Variants in COX10 observed in about 807,000 individuals in gnomAD.
The protein encoded by COX10 is cytochrome c oxidase assembly factor heme A:farnesyltransferase COX10.
A neutral mutation model predicts 37.3 loss-of-function variants in COX10; 27 were observed. The observed-to-expected ratio is 0.72, with a 90% CI of 0.53 to 1.00. The LOEUF (loss-of-function observed/expected upper bound fraction) is 1.00, where lower values mean the gene tolerates loss of function less well. Among genes scored for constraint, COX10 ranks in the 50% least tolerant of loss-of-function variants. The probability of loss-of-function intolerance (pLI) is 0.00; values close to 1 mark genes in which losing one functional copy is unlikely to be tolerated. For missense variants in COX10, 475 were observed against 563.2 expected, an observed-to-expected ratio of 0.84 and a Z score of 1.59; for synonymous variants, 222 against 229.1, an observed-to-expected ratio of 0.97 and a Z score of 0.28.
At chr17:14,189,845 A>T (rs1388854933) in intron 5 of COX10, among the ~76,000 whole-genome samples, 4 of 152,086 alleles carry the variant, frequency 2.6e-5, no homozygotes, top group African/African-American at 7.2e-5. Flanking sequence ...TGTGTGGTCC[A>T]CTCCATCAGG....
At position 14,069,556 on chromosome 17, in the gene COX10, G is replaced by C. The variant is rs1209822686; in HGVS notation, c.-50G>C. The C allele has an allele frequency of 6.2e-7, 1 of 1,608,206 alleles. No homozygotes were observed. The highest frequency in any genetic ancestry group is 1.7e-5 in the Admixed American group (1 of 59,840). On this transcript the variant is annotated 5_prime_UTR_variant, in exon 1 of 7. An upstream open reading frame in the 5' UTR loses its in-frame stop. Transcript: ENST00000261643. Reference sequence around the variant, plus strand: ...AAGATGGCGGCGCCCAGCGTCCCGTGAGGAGAGAGGACACAGGGATCCCGG... The same window carrying C: ...AAGATGGCGGCGCCCAGCGTCCCGTCAGGAGAGAGGACACAGGGATCCCGG...
At chr17:14,102,809 A>T (rs1352339315) in intron 4 of COX10, among the ~76,000 whole-genome samples, 1 of 151,942 alleles carries the variant, frequency 6.6e-6, no homozygotes, top group African/African-American at 2.4e-5. Context: ...TTTTTTTCCC[A>T]TCTAGTCACT....
At position 14,159,904 on chromosome 17, in the gene COX10, A is replaced by G; in HGVS notation, c.652A>G (p.Met218Val). The G allele has an allele frequency of 6.2e-7, 1 of 1,612,646 alleles. No homozygotes were observed. Among genetic ancestry groups the G allele is most frequent in the Non-Finnish European group, 8.5e-7 (1 of 1,179,702 alleles). ...TTTTGAGGTGCCATTTGACTCAAAC[A>G]TGAATAGGACAAAGAACAGACCGCT... ...QFFEVPFDSN[M>V]NRTKNRPLVR... The change falls in exon 5 of 7, where the codon ATG becomes GTG. Residue 218 changes from methionine (M) to valine (V), a missense_variant. Coordinates refer to ENST00000261643, the MANE Select transcript of COX10 (RefSeq NM_001303.4).
chr17:14,178,768 C>A (rs1434304267), intron 5 of COX10, among the ~76,000 whole-genome samples: 1 of 152,130 alleles, frequency 6.6e-6, no homozygotes, highest in Non-Finnish European at 1.5e-5. Flanking sequence ...TCAGCCTTAG[C>A]CCCTAGGTCC....
chr17:14,141,782 G>C (rs956486968), intron 4 of COX10, among the ~76,000 whole-genome samples: 2 of 151,978 alleles, frequency 1.3e-5, no homozygotes, highest in African/African-American at 4.8e-5. Flanking sequence ...GAATTCTGTT[G>C]TTGTGGTAAT....
At chr17:14,123,384 A>G (rs1174447181) in intron 4 of COX10, among the ~76,000 whole-genome samples, 2 of 152,208 alleles carry the variant, frequency 1.3e-5, no homozygotes, top group Admixed American at 6.6e-5. Context: ...AGCAGCATTA[A>G]TAACTCAGTA....
intron 4 of COX10, among the ~76,000 whole-genome samples, chr17:14,155,870 A>G (rs548083093): frequency 6.6e-6 from 1 of 152,122 alleles, no homozygotes; most frequent in Non-Finnish European, 1.5e-5. Context: ...GGCCCTCATC[A>G]TCTCTTACCT....
At chr17:14,119,179 A>G (rs2142211593) in intron 4 of COX10, among the ~76,000 whole-genome samples, 1 of 152,272 alleles carries the variant, frequency 6.6e-6, no homozygotes, top group East Asian at 1.9e-4. Flanking sequence ...TGTAGTATCT[A>G]CAGACTTGAT....
chr17:14,075,013 C>A (rs987567955), intron 2 of COX10, among the ~76,000 whole-genome samples: 3 of 152,070 alleles, frequency 2.0e-5, no homozygotes, highest in Non-Finnish European at 4.4e-5. Context: ...TATTAATTGC[C>A]AGGAAGGCCA....
intron 5 of COX10, among the ~76,000 whole-genome samples, chr17:14,172,583 T>C (rs1052993828): frequency 6.9e-6 from 1 of 144,160 alleles, no homozygotes; most frequent in Admixed American, 6.9e-5. Context: ...TTTTTCTTTT[T>C]TTTTTTTTTT....
chr17:14,194,600 T>A (rs1039907274), intron 6 of COX10, among the ~76,000 whole-genome samples: 45 of 152,146 alleles, frequency 3.0e-4, no homozygotes, highest in African/African-American at 9.9e-4. Flanking sequence ...CTAATTTTTA[T>A]ATTTTTAATA....
At chr17:14,127,407 T>A (rs1567597253) in intron 4 of COX10, among the ~76,000 whole-genome samples, 2 of 152,302 alleles carry the variant, frequency 1.3e-5, no homozygotes, top group South Asian at 2.1e-4. Context: ...CTCAGTTTTT[T>A]CATATATTTA....
chr17:14,181,300 A>G (rs1205763781), intron 5 of COX10, among the ~76,000 whole-genome samples: 1 of 152,032 alleles, frequency 6.6e-6, no homozygotes, highest in Non-Finnish European at 1.5e-5. Context: ...CAATAGACCA[A>G]ATCCTGAAGA....
At chr17:14,107,531 T>C (rs533602381) in intron 4 of COX10, among the ~76,000 whole-genome samples, 1 of 151,950 alleles carries the variant, frequency 6.6e-6, no homozygotes, top group African/African-American at 2.4e-5. Context: ...TTTTTTTTTT[T>C]CTTTCTTTCT....
intron 5 of COX10, among the ~76,000 whole-genome samples, chr17:14,164,398 T>C (rs1453620402): frequency 1.3e-5 from 2 of 152,272 alleles, no homozygotes; most frequent in East Asian, 3.8e-4. Context: ...TGCACAAATG[T>C]ATATCTTATT....
At chr17:14,155,332 A>T (rs117541483) in intron 4 of COX10, among the ~76,000 whole-genome samples, 1 of 131,156 alleles carries the variant, frequency 7.6e-6, no homozygotes, top group African/African-American at 2.8e-5. Flanking sequence ...ATCTACATAA[A>T]AAAAAAAAAA....
intron 3 of COX10, among the ~76,000 whole-genome samples, chr17:14,080,387 G>T (rs1211668813): frequency 1.3e-5 from 2 of 151,860 alleles, no homozygotes; most frequent in Non-Finnish European, 2.9e-5. Context: ...CTAATTTTTT[G>T]TATTTTTAGT....
intron 6 of COX10, among the ~76,000 whole-genome samples, chr17:14,203,181 A>AT (rs1906595657): frequency 2.0e-5 from 3 of 152,174 alleles, no homozygotes; most frequent in Non-Finnish European, 4.4e-5. Context: ...AGCTGCTCAT[A>AT]TTATCAGCAT....
At chr17:14,199,869 T>C (rs1454546481) in intron 6 of COX10, among the ~76,000 whole-genome samples, 2 of 152,064 alleles carry the variant, frequency 1.3e-5, no homozygotes, top group African/African-American at 4.8e-5. Context: ...AAGCTCTGGG[T>C]TTGGCTTTGC....
Sources: gnomAD v4.1 joint callset for allele counts (sites outside exome capture counted in the v4.1 genomes callset) on GRCh38, gnomAD v4.1.1 for gene constraint, MANE v1.5 for transcripts, NCBI Gene and HGNC (gene_info 2026-07-23, HGNC 2026-07-21) for gene names.